The following HAS3 variants were observed in gnomAD, a reference collection of about 807,000 sequenced individuals.
HAS3 encodes HA synthase 3.
In HAS3, 27 loss-of-function variants were observed where a neutral mutation model predicts 50.3. The ratio of observed to expected loss-of-function variants is 0.54; its 90% CI spans 0.40 to 0.74. The LOEUF is 0.74. Among genes scored for constraint, HAS3 ranks in the 30% least tolerant of loss-of-function variants. The probability of loss-of-function intolerance (pLI) is 0.00; values close to 1 mark genes in which losing one functional copy is unlikely to be tolerated. For missense variants in HAS3, 517 were observed against 742.8 expected (o/e 0.70, Z 3.53); for synonymous variants, 339 against 310.9 (o/e 1.09, Z -0.95).
rs1033582857 is a variant in HAS3, at chr16:69,112,073, C to T, written c.637-1368C>T. Among the ~76,000 whole-genome samples, 10 of 152,352 alleles carry T rather than the reference C, an allele frequency of 6.6e-5. 1 individual carries two copies. Among genetic ancestry groups the T allele is most frequent in the South Asian group, 6.2e-4 (3 of 4,828 alleles). On this transcript the variant is annotated intron_variant, in intron 2 of 3. Transcript: ENST00000569188. ...TCTCCCTCCTAGGCAGAACTCTGCC[C>T]GAGCCAGTGGGGAAACCCAGGCAGC...
chr16:69,105,787 G>A lies in HAS3; in HGVS notation c.-1G>A, dbSNP rs1024598978. 2 of 152,290 alleles carry A rather than the reference G, an allele frequency of 1.3e-5. No individual in the cohort carries two copies. Among genetic ancestry groups the A allele is most frequent in the Non-Finnish European group, 2.9e-5 (2 of 68,062 alleles). 9.4% of individuals were successfully genotyped at this position (152,290 alleles called of 1,614,324 possible). ...TGCTCTCAGCTCGCCTTCCTTGCAGGGTGAGTAGGTTTTGCGGGTTAGAGA... is the reference window on the plus strand; with the variant it reads ...TGCTCTCAGCTCGCCTTCCTTGCAGAGTGAGTAGGTTTTGCGGGTTAGAGA... On this transcript the variant is annotated splice_region_variant and 5_prime_UTR_variant, in exon 1 of 4. Transcript: ENST00000569188.
the HAS3 span, among the ~76,000 whole-genome samples, chr16:69,094,449 G>A: frequency 6.6e-6 from 1 of 152,312 alleles, no homozygotes; most frequent in South Asian, 2.1e-4. Context: ...TCTATGAAGA[G>A]AAGCGAATGG....
chr16:69,089,385 C>T, the HAS3 span, among the ~76,000 whole-genome samples: 2 of 152,202 alleles, frequency 1.3e-5, no homozygotes, highest in Admixed American at 1.3e-4. Context: ...GAAACCGGAG[C>T]TGTGAGAGGT....
Position 69,107,481 on chromosome 16 carries a change from G to T in HAS3, c.-1+1694G>T. 2 of 985,708 alleles carry T rather than the reference G, an allele frequency of 2.0e-6. No individual in the cohort carries two copies. Among genetic ancestry groups the T allele is most frequent in the Non-Finnish European group, 2.4e-6 (2 of 830,130 alleles). 61.1% of individuals were successfully genotyped at this position (985,708 alleles called of 1,614,324 possible). ...TGGGTCGTGGGAAAGCGGCACGTGG[G>T]TGTGGCCGGCGCCGCCTTTGCCAAG... is the stretch of plus-strand genomic sequence containing the variant. On this transcript the variant is annotated intron_variant, in intron 1 of 3. Coordinates refer to ENST00000569188, the MANE Select transcript of HAS3 (RefSeq NM_001199280.2). This position sits in a 1 kb window ranked among gnomAD's most constrained non-coding sequence, Gnocchi z 5.5.
Position 69,114,546 on chromosome 16 carries a change from C to T in HAS3, c.942C>T (p.Phe314=), listed in dbSNP as rs768983599. 26 of 1,614,090 alleles carry T rather than the reference C, an allele frequency of 1.6e-5. No individual in the cohort carries two copies. Among genetic ancestry groups the T allele is most frequent in the South Asian group, 6.6e-5 (6 of 91,084 alleles). The change falls in exon 4 of 4, where the codon TTC becomes TTT. Residue 314 remains phenylalanine, a synonymous_variant. Transcript: ENST00000569188. The surrounding 1 kb of genome is among the most constrained non-coding windows in gnomAD (Gnocchi z 6.4). ...HQKFLGSKCS[F]GDDRHLTNRV... ...AGTTCCTAGGCAGCAAGTGCAGCTT[C>T]GGGGATGACCGGCACCTCACCAACC...
the HAS3 span, among the ~76,000 whole-genome samples, chr16:69,098,662 ATTTTTTTTTTTT>A: frequency 0.029 from 2,894 of 98,238 alleles, 44 homozygotes; most frequent in Non-Finnish European, 0.035. Flanking sequence ...ATCAAACCTG[ATTTTTTTTTTTT>A]TTTTTTTTTT....
rs1960928818 is a variant in HAS3 at position 69,109,668 on chromosome 16, T to C, written c.273T>C (p.Ile91=). 6.2e-7 allele frequency: 1 copy of C among 1,610,112 alleles called. No homozygotes were observed. The highest frequency in any genetic ancestry group is 2.2e-5 in the East Asian group (1 of 44,890). The change falls in exon 2 of 4, where the codon ATT becomes ATC. Residue 91 remains isoleucine (I), a synonymous_variant. Coordinates refer to ENST00000569188, the MANE Select transcript of HAS3 (RefSeq NM_001199280.2). This position sits in a 1 kb window ranked among gnomAD's most constrained non-coding sequence, Gnocchi z 5.3. Reference sequence around the variant, plus strand: ...GGCGGGGCTCGGTGGCACTGTGCATTGCCGCATACCAGGAGGACCCTGACT... The same window carrying C: ...GGCGGGGCTCGGTGGCACTGTGCATCGCCGCATACCAGGAGGACCCTGACT... ...SPRRGSVALC[I]AAYQEDPDYL...
upstream of HAS3, chr16:69,105,523 C>T (rs1456837341): frequency 6.6e-6 from 1 of 152,240 alleles, no homozygotes; most frequent in African/African-American, 2.4e-5. Context: ...ACCGGAACCT[C>T]CAAGGTTCCT....
upstream of HAS3, among the ~76,000 whole-genome samples, chr16:69,100,989 A>G (rs557187063): frequency 6.6e-6 from 1 of 152,222 alleles, no homozygotes; most frequent in Admixed American, 6.5e-5. Context: ...CACACTTCTC[A>G]TCGTGGCTTC....
chr16:69,083,742 C>G, the HAS3 span: 1 of 1,461,752 alleles, frequency 6.8e-7, no homozygotes, highest in South Asian at 1.4e-5. Context: ...GGTGGCCCTG[C>G]TGCCTCTTGA....
At position 69,117,153 on chromosome 16, in the gene HAS3, C is replaced by T. The variant is rs749108067; in HGVS notation, c.*1887C>T. 1 of 985,820 alleles carries T rather than the reference C, an allele frequency of 1.0e-6. No individual in the cohort carries two copies. The highest frequency in any genetic ancestry group is 1.2e-6 in the Non-Finnish European group (1 of 829,926). The allele number at this position is 985,820 out of a possible 1,614,324, so 61.1% of individuals were successfully genotyped here. On this transcript the variant is annotated 3_prime_UTR_variant, in exon 4 of 4. Transcript: ENST00000569188. ...TGATCCAGGCAATCGTTCTGCTGGC[C>T]AAGAAGTTAAACTATTTTGAGCATT...
chr16:69,093,267 G>C, the HAS3 span, among the ~76,000 whole-genome samples: 1 of 152,030 alleles, frequency 6.6e-6, no homozygotes, highest in Non-Finnish European at 1.5e-5. Flanking sequence ...CTGGAGTGCA[G>C]TGGCGCAATC....
chr16:69,100,715 T>A (rs1424175351), upstream of HAS3, among the ~76,000 whole-genome samples: 1 of 152,150 alleles, frequency 6.6e-6, no homozygotes, highest in African/African-American at 2.4e-5. Context: ...GACAGAGAGG[T>A]TACGGGTGCA....
chr16:69,117,373 C>CCA lies in HAS3; in HGVS notation c.*2107_*2108insCA. 4 of 985,790 alleles carry CCA rather than the reference C, an allele frequency of 4.1e-6. No homozygotes were observed. The highest frequency in any genetic ancestry group is 4.8e-6 in the Non-Finnish European group (4 of 829,856). 61.1% of individuals were successfully genotyped at this position (985,790 alleles called of 1,614,324 possible). A position where few individuals can be genotyped will look rare whatever the true frequency, so the allele number is the denominator to read the frequency against. On this transcript the variant is annotated 3_prime_UTR_variant, in exon 4 of 4. Coordinates refer to ENST00000569188, the MANE Select transcript of HAS3 (RefSeq NM_001199280.2). ...GCAGGTACAGGTAGTGGGCTCACAA[C>CCA]GTTTGACCTCGACTGGTTTTTCTAA... is the stretch of plus-strand genomic sequence containing the variant.
At chr16:69,102,586 C>T (rs939893985), upstream of HAS3, among the ~76,000 whole-genome samples, 1 of 152,174 alleles carries the variant, frequency 6.6e-6, no homozygotes, top group African/African-American at 2.4e-5. Flanking sequence ...AGAGAGTGCT[C>T]CCTAGGGCAG....
At chr16:69,099,173 G>C in the HAS3 span, among the ~76,000 whole-genome samples, 2 of 151,258 alleles carry the variant, frequency 1.3e-5, no homozygotes, top group East Asian at 2.0e-4. Context: ...GGGTTTCACC[G>C]TGTTAGCCAG....
intron 2 of HAS3, 122 bp downstream of exon 2, chr16:69,110,153 TAAG>T (rs1597095403): frequency 1.1e-5 from 11 of 996,268 alleles, no homozygotes; most frequent in African/African-American, 1.6e-5. Flanking sequence ...CCTGTGCACT[TAAG>T]AAGGCAACAA....
downstream of HAS3, chr16:69,118,221 A>G: frequency 1.6e-6 from 1 of 612,618 alleles, no homozygotes; most frequent in East Asian, 3.0e-5. Context: ...GAGTTGGATG[A>G]GTAGAGGGGC....
Position 69,107,067 on chromosome 16 carries a change from C to G in HAS3, c.-1+1280C>G, listed in dbSNP as rs2152254595. The G allele has an allele frequency of 6.5e-6, 1 of 152,702 alleles. No individual in the cohort carries two copies. The highest frequency in any genetic ancestry group is 1.9e-4 in the East Asian group (1 of 5,174). 9.5% of individuals were successfully genotyped at this position (152,702 alleles called of 1,614,324 possible). A position where few individuals can be genotyped will look rare whatever the true frequency, so the allele number is the denominator to read the frequency against. On this transcript the variant is annotated intron_variant, in intron 1 of 3. Transcript: ENST00000569188. The surrounding 1 kb of genome is among the most constrained non-coding windows in gnomAD (Gnocchi z 5.5). ...CCGAGTGCGCGTTAGTTTGCCTGGG[C>G]TGGGCTCCCGTGGATGAGCGAAGGG...
Sources: allele counts gnomAD v4.1 joint callset (sites outside exome capture counted in the v4.1 genomes callset), GRCh38; gene constraint gnomAD v4.1.1; non-coding constraint Gnocchi (gnomAD v3.1); transcripts MANE v1.5; gene names NCBI Gene and HGNC (gene_info 2026-07-23, HGNC 2026-07-21).